DLGAP2: variants seen among roughly 807,000 people sequenced by gnomAD.
DLGAP2 encodes the protein disks large-associated protein 2.
In DLGAP2, 26 loss-of-function variants were observed where a neutral mutation model predicts 100.3. The observed-to-expected ratio is 0.26, with a 90% CI of 0.19 to 0.36. The LOEUF (loss-of-function observed/expected upper bound fraction) is 0.36, where lower values mean the gene tolerates loss of function less well. Among genes scored for constraint, DLGAP2 ranks in the 10% least tolerant of loss-of-function variants. The pLI, the probability that DLGAP2 is intolerant of heterozygous loss-of-function variation, is 1.00. For synonymous variants in DLGAP2, 886 were observed against 630.1 expected, an observed-to-expected ratio of 1.41 and a Z score of -6.08; for missense variants, 1,858 against 1,453.2, an observed-to-expected ratio of 1.28 and a Z score of -4.53.
At chr8:1,214,672 C>G (rs1381356437) in intron 2 of DLGAP2, among the ~76,000 whole-genome samples, 1 of 152,222 alleles carries the variant, frequency 6.6e-6, no homozygotes, top group Non-Finnish European at 1.5e-5. Context: ...TCCTTTTTAA[C>G]AAGGACGGCG....
intron 1 of DLGAP2, among the ~76,000 whole-genome samples, chr8:857,125 T>A (rs1797293830): frequency 6.6e-6 from 1 of 152,240 alleles, no homozygotes; most frequent in South Asian, 2.1e-4. Flanking sequence ...GGAGAGAGGA[T>A]GCTCTTATCA....
At chr8:1,420,152 C>T (rs1207338337) in intron 3 of DLGAP2, among the ~76,000 whole-genome samples, 1 of 152,170 alleles carries the variant, frequency 6.6e-6, no homozygotes, top group Non-Finnish European at 1.5e-5. Flanking sequence ...ATCCTCTAAT[C>T]ACAAGGCTAG....
chr8:899,681 T>C (rs1798212504), intron 1 of DLGAP2, among the ~76,000 whole-genome samples: 1 of 152,254 alleles, frequency 6.6e-6, no homozygotes, highest in Non-Finnish European at 1.5e-5. Flanking sequence ...TAGCTTGTAA[T>C]GCCACATATT....
intron 3 of DLGAP2, among the ~76,000 whole-genome samples, chr8:1,492,760 C>A (rs1160865715): frequency 6.6e-6 from 1 of 152,142 alleles, no homozygotes; most frequent in African/African-American, 2.4e-5. Context: ...GCGACGCAGC[C>A]GATTTTGCGT....
intron 2 of DLGAP2, among the ~76,000 whole-genome samples, chr8:984,367 C>T (rs1002786809): frequency 3.9e-5 from 6 of 152,182 alleles, no homozygotes; most frequent in Admixed American, 6.5e-5. Flanking sequence ...CATAAAAAAA[C>T]TTCACTAAAA....
chr8:1,178,494 A>G (rs1326367897), intron 2 of DLGAP2, among the ~76,000 whole-genome samples: 1 of 152,202 alleles, frequency 6.6e-6, no homozygotes, highest in Non-Finnish European at 1.5e-5. Flanking sequence ...ACAGCTGAAC[A>G]TAAATATCAA....
intron 12 of DLGAP2, among the ~76,000 whole-genome samples, chr8:1,689,355 G>A (rs1023129612): frequency 6.6e-6 from 1 of 152,228 alleles, no homozygotes; most frequent in African/African-American, 2.4e-5. Flanking sequence ...ACCTGCATGT[G>A]TCTAGGCAAA....
At chr8:1,496,766 G>T (rs750291518) in intron 3 of DLGAP2, among the ~76,000 whole-genome samples, 1 of 152,190 alleles carries the variant, frequency 6.6e-6, no homozygotes, top group African/African-American at 2.4e-5. Flanking sequence ...ACAGGTCCAC[G>T]CTCTCCAGGC....
At chr8:1,024,862 C>T (rs1801745656) in intron 2 of DLGAP2, among the ~76,000 whole-genome samples, 1 of 152,182 alleles carries the variant, frequency 6.6e-6, no homozygotes, top group Admixed American at 6.5e-5. Flanking sequence ...CTCCATTTCC[C>T]AACTGCAGCC....
chr8:1,457,054 G>A (rs369876127), intron 3 of DLGAP2, among the ~76,000 whole-genome samples: 1 of 152,350 alleles, frequency 6.6e-6, no homozygotes, highest in East Asian at 1.9e-4. Context: ...TCATTTCAAT[G>A]TGGTCATCTT....
Position 1,586,053 on chromosome 8 carries a change from T to G in DLGAP2, c.1442+20159T>G, listed in dbSNP as rs558138481. ...TTTTGTTAGTTTTCCGTTGCTGTCATAAAAACTGCCACAAACTTAGTGTCT... is the reference window on the plus strand; with the variant it reads ...TTTTGTTAGTTTTCCGTTGCTGTCAGAAAAACTGCCACAAACTTAGTGTCT... On this transcript the variant is annotated intron_variant, in intron 6 of 14. Transcript: ENST00000637795. 4.6e-5 allele frequency among the ~76,000 whole-genome samples: 7 copies of G among 152,364 alleles called. No homozygotes were observed. The East Asian group carries it at 1.4e-3, about 29-fold the overall frequency.
intron 4 of DLGAP2, among the ~76,000 whole-genome samples, chr8:1,508,954 G>C (rs1338608517): frequency 6.6e-6 from 1 of 152,088 alleles, no homozygotes; most frequent in Non-Finnish European, 1.5e-5. Context: ...TTTAAACCAT[G>C]GGCTGCAACT....
chr8:1,172,333 C>T (rs868391435), intron 2 of DLGAP2, among the ~76,000 whole-genome samples: 1 of 151,956 alleles, frequency 6.6e-6, no homozygotes, highest in Admixed American at 6.6e-5. Context: ...CCTTCATTTC[C>T]ACTTTGGTGA....
intron 2 of DLGAP2, among the ~76,000 whole-genome samples, chr8:1,196,916 A>T (rs981896544): frequency 6.6e-6 from 1 of 152,172 alleles, no homozygotes. Flanking sequence ...CGCTGTGATT[A>T]TGGGGGCTGA....
intron 1 of DLGAP2, among the ~76,000 whole-genome samples, chr8:848,210 T>G (rs1797105960): frequency 6.6e-6 from 1 of 152,264 alleles, no homozygotes; most frequent in Admixed American, 6.5e-5. Context: ...CTTATCTATA[T>G]TGCTATATGA....
At chr8:1,678,108 C>T in intron 11 of DLGAP2, 106 bp from the exon 12 acceptor site, 1 of 1,320,610 alleles carries the variant, frequency 7.6e-7, no homozygotes, top group South Asian at 1.4e-5. Context: ...CTTGAGCCGC[C>T]AGGCTGTTGA....
intron 2 of DLGAP2, among the ~76,000 whole-genome samples, chr8:1,153,472 T>G (rs139985264): frequency 6.6e-6 from 1 of 152,332 alleles, no homozygotes; most frequent in East Asian, 1.9e-4. Context: ...AGTCGCGTGA[T>G]TATACGAAAT....
chr8:1,196,156 G>C (rs1260033374), intron 2 of DLGAP2, among the ~76,000 whole-genome samples: 2 of 152,204 alleles, frequency 1.3e-5, no homozygotes, highest in African/African-American at 4.8e-5. Flanking sequence ...TGTTGTAGTA[G>C]TGCTCACCTG....
At chr8:784,696 T>C (rs966471129) in intron 1 of DLGAP2, among the ~76,000 whole-genome samples, 1 of 152,216 alleles carries the variant, frequency 6.6e-6, no homozygotes, top group Admixed American at 6.6e-5. Flanking sequence ...CGTGTGACTG[T>C]GGACCCCATA....
Sources: gnomAD v4.1 joint callset for allele counts (sites outside exome capture counted in the v4.1 genomes callset) on GRCh38, gnomAD v4.1.1 for gene constraint, MANE v1.5 for transcripts, NCBI Gene and HGNC (gene_info 2026-07-23, HGNC 2026-07-21) for gene names.